The following CNBD1 variants were observed in gnomAD, a reference collection of about 807,000 sequenced individuals.
CNBD1 encodes the protein cyclic nucleotide-binding domain-containing protein 1.
CNBD1 carries 71 observed loss-of-function variants against 54.4 expected under a neutral mutation model. The ratio of observed to expected loss-of-function variants is 1.30; its 90% CI spans 1.08 to 1.59. CNBD1 has a LOEUF of 1.59. Among genes scored for constraint, CNBD1 ranks in the 40% most tolerant of loss-of-function variants. The pLI, the probability that CNBD1 is intolerant of heterozygous loss-of-function variation, is 0.00. For synonymous variants in CNBD1, 182 were observed against 170.7 expected (o/e 1.07, Z -0.51); for missense variants, 659 against 518.0 (o/e 1.27, Z -2.64).
Position 87,382,795 on chromosome 8 carries a change from G to C in CNBD1, c.*168G>C. 2.2e-6 allele frequency: 1 copy of C among 447,928 alleles called. No individual in the cohort carries two copies. Among genetic ancestry groups the C allele is most frequent in the Non-Finnish European group, 4.0e-6 (1 of 250,282 alleles). 27.7% of individuals were successfully genotyped at this position (447,928 alleles called of 1,614,324 possible). A position where few individuals can be genotyped will look rare whatever the true frequency, so the allele number is the denominator to read the frequency against. On this transcript the variant is annotated 3_prime_UTR_variant, in exon 11 of 11. Coordinates refer to ENST00000518476, the MANE Select transcript of CNBD1 (RefSeq NM_173538.3). Reference sequence around the variant, plus strand: ...ACTTTCGAATTGCCTTTCAAACACAGTTTTTATTAGCAGTCTTTCTTGGTT... The same window carrying C: ...ACTTTCGAATTGCCTTTCAAACACACTTTTTATTAGCAGTCTTTCTTGGTT...
chr8:87,366,981 C>A (rs892685379), intron 10 of CNBD1, among the ~76,000 whole-genome samples: 2 of 151,974 alleles, frequency 1.3e-5, no homozygotes, highest in Middle Eastern at 3.2e-3. Context: ...CCTGTAATTC[C>A]TTAATAAGGT....
chr8:87,000,091 C>T (rs1479899364), intron 4 of CNBD1, among the ~76,000 whole-genome samples: 4 of 151,902 alleles, frequency 2.6e-5, no homozygotes, highest in Admixed American at 6.6e-5. Context: ...TGATATGGTT[C>T]GGCTCTGTGT....
intron 5 of CNBD1, among the ~76,000 whole-genome samples, chr8:87,225,606 G>C (rs1814465494): frequency 6.6e-6 from 1 of 152,146 alleles, no homozygotes; most frequent in Non-Finnish European, 1.5e-5. Flanking sequence ...GATCATGGTG[G>C]ATAAGCTTTT....
chr8:87,384,298 T>G (rs936864144), downstream of CNBD1, among the ~76,000 whole-genome samples: 1 of 152,132 alleles, frequency 6.6e-6, no homozygotes, highest in African/African-American at 2.4e-5. Flanking sequence ...ACAGGCACTC[T>G]TCTAAGAACT....
chr8:86,994,450 G>C (rs1029979550), intron 4 of CNBD1, among the ~76,000 whole-genome samples: 1 of 152,222 alleles, frequency 6.6e-6, no homozygotes, highest in African/African-American at 2.4e-5. Context: ...GCTAATTGGA[G>C]AGAGATGTGG....
intron 6 of CNBD1, among the ~76,000 whole-genome samples, chr8:87,270,355 T>C (rs1175085958): frequency 1.3e-5 from 2 of 151,750 alleles, no homozygotes; most frequent in Non-Finnish European, 2.9e-5. Context: ...AACAAGCATA[T>C]GAAAAAAAAC....
At chr8:87,038,435 T>G (rs1563445142) in intron 4 of CNBD1, among the ~76,000 whole-genome samples, 1 of 152,114 alleles carries the variant, frequency 6.6e-6, no homozygotes, top group East Asian at 1.9e-4. Flanking sequence ...GGGATGATGA[T>G]GTGGAAAAAT....
At chr8:86,957,961 G>A (rs185477754) in intron 4 of CNBD1, among the ~76,000 whole-genome samples, 11 of 152,056 alleles carry the variant, frequency 7.2e-5, no homozygotes, top group South Asian at 4.1e-4. Context: ...TCTCTTGTGC[G>A]CATTTAGTGC....
chr8:87,032,888 C>A (rs1053159083), intron 4 of CNBD1, among the ~76,000 whole-genome samples: 1 of 152,144 alleles, frequency 6.6e-6, no homozygotes, highest in African/African-American at 2.4e-5. Context: ...CACTTATCCT[C>A]CCATCTTCTG....
At chr8:87,066,380 A>G (rs557917227) in intron 4 of CNBD1, among the ~76,000 whole-genome samples, 1 of 152,058 alleles carries the variant, frequency 6.6e-6, no homozygotes, top group Non-Finnish European at 1.5e-5. Flanking sequence ...AAATCCATGG[A>G]CCAGGACATC....
chr8:87,104,417 G>A (rs941663803), intron 4 of CNBD1, among the ~76,000 whole-genome samples: 4 of 152,216 alleles, frequency 2.6e-5, no homozygotes, highest in African/African-American at 9.6e-5. Context: ...TGCATAGATA[G>A]TCTACTGAAT....
At chr8:87,287,987 A>AT (rs920699481) in intron 8 of CNBD1, among the ~76,000 whole-genome samples, 20 of 152,010 alleles carry the variant, frequency 1.3e-4, no homozygotes, top group African/African-American at 1.9e-4. Context: ...TATAAATGGC[A>AT]TTTTTTTAAC....
chr8:87,035,007 A>G (rs1444695170), intron 4 of CNBD1, among the ~76,000 whole-genome samples: 2 of 152,040 alleles, frequency 1.3e-5, no homozygotes, highest in African/African-American at 2.4e-5. Flanking sequence ...GTATGTTTAC[A>G]TTTGAACAAC....
At chr8:86,922,725 T>C (rs1230279574) in intron 3 of CNBD1, among the ~76,000 whole-genome samples, 1 of 152,118 alleles carries the variant, frequency 6.6e-6, no homozygotes, top group Non-Finnish European at 1.5e-5. Context: ...GAAGGTACTT[T>C]CGTTTTATGC....
intron 2 of CNBD1, among the ~76,000 whole-genome samples, chr8:87,422,666 G>A (rs1331903813): frequency 6.6e-6 from 1 of 152,068 alleles, no homozygotes; most frequent in Non-Finnish European, 1.5e-5. Context: ...ATGCTGTTTT[G>A]GTTACTGTAG....
At chr8:87,052,262 G>A (rs1178606864) in intron 4 of CNBD1, among the ~76,000 whole-genome samples, 2 of 152,158 alleles carry the variant, frequency 1.3e-5, no homozygotes, top group Non-Finnish European at 1.5e-5. Context: ...CCTATAGCCT[G>A]CTTCCATAGC....
intron 4 of CNBD1, among the ~76,000 whole-genome samples, chr8:87,037,688 T>C (rs1050691348): frequency 1.3e-5 from 2 of 152,182 alleles, no homozygotes; most frequent in African/African-American, 4.8e-5. Flanking sequence ...AAGAATTTAA[T>C]ATTTTGGTTT....
At chr8:86,933,467 A>T (rs1315690479) in intron 3 of CNBD1, among the ~76,000 whole-genome samples, 2 of 152,222 alleles carry the variant, frequency 1.3e-5, no homozygotes, top group Non-Finnish European at 2.9e-5. Context: ...TACAACAAGA[A>T]AAGCAAGTTA....
intron 8 of CNBD1, among the ~76,000 whole-genome samples, chr8:87,314,298 A>C (rs1258336784): frequency 7.0e-6 from 1 of 142,946 alleles, no homozygotes. Context: ...GAATTCAATA[A>C]AGCATCTCAT....
Sources: gnomAD v4.1 joint callset for allele counts (sites outside exome capture counted in the v4.1 genomes callset) on GRCh38, gnomAD v4.1.1 for gene constraint, MANE v1.5 for transcripts, NCBI Gene and HGNC (gene_info 2026-07-23, HGNC 2026-07-21) for gene names.